Variants in TRIP11 observed in about 807,000 individuals in gnomAD.
The protein encoded by TRIP11 is thyroid hormone receptor interactor 11.
Under a neutral mutation model 223.1 loss-of-function variants are expected in TRIP11, and 148 were observed. The observed-to-expected ratio is 0.66, with a 90% CI of 0.58 to 0.76. The LOEUF (loss-of-function observed/expected upper bound fraction) is 0.76. Ranked by LOEUF, TRIP11 falls within the 30% of genes least tolerant of loss-of-function variation. The pLI is 0.00. For missense variants in TRIP11, 2,043 were observed against 2,222.0 expected (o/e 0.92, Z 1.62); for synonymous variants, 762 against 772.6 (o/e 0.99, Z 0.23).
intron 13 of TRIP11, among the ~76,000 whole-genome samples, chr14:91,996,998 C>A (rs1025936056): frequency 2.0e-5 from 3 of 152,136 alleles, no homozygotes; most frequent in Non-Finnish European, 4.4e-5. Context: ...TCAAGAGCAG[C>A]CCATTAAAGC....
chr14:92,004,651 T>C lies in TRIP11; in HGVS notation c.3325A>G (p.Thr1109Ala). 1 of 1,614,178 alleles carries C rather than the reference T, an allele frequency of 6.2e-7. No individual in the cohort carries two copies. The highest frequency in any genetic ancestry group is 8.5e-7 in the Non-Finnish European group (1 of 1,180,016). ...EKVFAVLNEK[T>A]RENSHLKTEY... is the part of the protein sequence containing the mutation. ...GTTTTTAGATGGCTATTTTCCCTAG[T>C]CTTCTCATTCAAAACAGCAAATACC... Residue 1109 changes from threonine (T) to alanine (A), a missense_variant, in exon 11 of 21, where the codon ACT (threonine) becomes GCT (alanine). Coordinates refer to ENST00000267622, the MANE Select transcript of TRIP11 (RefSeq NM_004239.4).
chr14:91,975,323 C>A, intron 17 of TRIP11, 37 bp from the exon 18 acceptor site: 1 of 1,367,084 alleles, frequency 7.3e-7, no homozygotes, highest in South Asian at 1.2e-5. Flanking sequence ...CAAGTGAACT[C>A]AACATTAAGT....
chr14:91,974,509 C>T, intron 19 of TRIP11, 118 bp downstream of exon 19: 2 of 858,210 alleles, frequency 2.3e-6, no homozygotes, highest in South Asian at 3.1e-5. Flanking sequence ...GTTTCTGCAA[C>T]TTCAAAATAA....
chr14:92,008,541 A>G (rs2056933174), intron 9 of TRIP11, among the ~76,000 whole-genome samples: 2 of 152,172 alleles, frequency 1.3e-5, no homozygotes, highest in Non-Finnish European at 2.9e-5. Flanking sequence ...ATAGTCTACT[A>G]CCTGGTATTT....
intron 16 of TRIP11, among the ~76,000 whole-genome samples, 164 bp downstream of exon 16, chr14:91,988,120 T>C (rs1233606815): frequency 6.6e-6 from 1 of 152,148 alleles, no homozygotes; most frequent in East Asian, 1.9e-4. Context: ...CTGGTTTCAC[T>C]AGGACCATAC....
chr14:91,993,698 G>A (rs1566852314), intron 15 of TRIP11, 111 bp downstream of exon 15: 1 of 876,402 alleles, frequency 1.1e-6, no homozygotes, highest in East Asian at 2.7e-5. Context: ...TGGATTCAGG[G>A]TAGAAAATTT....
intron 16 of TRIP11, among the ~76,000 whole-genome samples, chr14:91,987,841 A>C (rs1229583526): frequency 3.3e-5 from 5 of 152,200 alleles, no homozygotes; most frequent in Non-Finnish European, 7.3e-5. Flanking sequence ...ACCTGTGGTA[A>C]AACACCATCT....
At chr14:92,010,015 A>T (rs1365904514) in intron 9 of TRIP11, among the ~76,000 whole-genome samples, 1 of 152,252 alleles carries the variant, frequency 6.6e-6, no homozygotes, top group African/African-American at 2.4e-5. Flanking sequence ...TTTTAAAATT[A>T]GGAATTTAAA....
At chr14:91,977,417 T>C (rs1566844397) in intron 16 of TRIP11, among the ~76,000 whole-genome samples, 1 of 152,210 alleles carries the variant, frequency 6.6e-6, no homozygotes, top group Non-Finnish European at 1.5e-5. Context: ...TTTGAGTTAA[T>C]TTTTGTGCAT....
chr14:92,029,277 ATTATTTTTTTTTTT>A (rs2057229851), intron 2 of TRIP11, among the ~76,000 whole-genome samples: 2 of 97,128 alleles, frequency 2.1e-5, no homozygotes, highest in Non-Finnish European at 4.0e-5. Context: ...TGCCCAAAGT[ATTATTTTTTTTTTT>A]TTTTTTTTTT....
chr14:91,996,882 A>G (rs1019096822), intron 13 of TRIP11, among the ~76,000 whole-genome samples: 1 of 152,158 alleles, frequency 6.6e-6, no homozygotes, highest in Non-Finnish European at 1.5e-5. Context: ...TAGATAAAGC[A>G]CCTATCTAGG....
At chr14:91,997,052 C>T (rs1595380804) in intron 13 of TRIP11, among the ~76,000 whole-genome samples, 1 of 152,136 alleles carries the variant, frequency 6.6e-6, no homozygotes, top group African/African-American at 2.4e-5. Context: ...CCCATTAGCA[C>T]CCTCTTGTGG....
Position 92,011,012 on chromosome 14 carries a change from C to T in TRIP11, c.1288G>A (p.Glu430Lys). ...LKMRIEVLEK[E>K]KSLLSQEKEE... ...TTTTCTTGACTCAGTAATGACTTCTCTTTTTCTAAAACTTCGATACGCATT... is the reference window on the plus strand; with the variant it reads ...TTTTCTTGACTCAGTAATGACTTCTTTTTTTCTAAAACTTCGATACGCATT... Residue 430 changes from glutamate to lysine, a missense_variant, in exon 9 of 21, where the codon GAG becomes AAG. Glu to Lys is a moderately conservative substitution (Grantham distance 56). Transcript: ENST00000267622. 6.2e-7 allele frequency: 1 copy of T among 1,613,988 alleles called. No homozygotes were observed. Among genetic ancestry groups the T allele is most frequent in the Non-Finnish European group, 8.5e-7 (1 of 1,179,980 alleles).
At position 91,974,730 on chromosome 14, in the gene TRIP11, T is replaced by C; in HGVS notation, c.5471A>G (p.Asp1824Gly). Reference protein sequence around the residue: ...REEMEQLFHDDQGGVTRWMTG... With the variant: ...REEMEQLFHDGQGGVTRWMTG... ...CATCCACCTGGTAACACCGCCCTGA[T>C]CGTCATGAAACAACTGAAAGATTAT... is the stretch of plus-strand genomic sequence containing the variant. Residue 1824 changes from aspartate (D) to glycine (G), a missense_variant, in exon 19 of 21, where the codon GAT (aspartate) becomes GGT (glycine). Transcript: ENST00000267622. 6.2e-7 allele frequency: 1 copy of C among 1,612,364 alleles called. No individual in the cohort carries two copies. Among genetic ancestry groups the C allele is most frequent in the Non-Finnish European group, 8.5e-7 (1 of 1,179,254 alleles).
intron 1 of TRIP11, among the ~76,000 whole-genome samples, chr14:92,034,514 C>T (rs1189986710): frequency 6.6e-6 from 1 of 152,026 alleles, no homozygotes; most frequent in Non-Finnish European, 1.5e-5. Flanking sequence ...CTAACTTCTG[C>T]TCTCAATACT....
rs1324885429 is a variant in TRIP11 at position 91,967,136 on chromosome 14, T to C, written c.*2537A>G. On this transcript the variant is annotated 3_prime_UTR_variant, in exon 21 of 21. Transcript: ENST00000267622. ...CAATGAAAACATTAGGTACTATAGC[T>C]TTTTTTTTTTTTTTTTTTTTTTTGA... The C allele has an allele frequency of 1.9e-5, 1 of 54,052 alleles. No homozygotes were observed. Among genetic ancestry groups the C allele is most frequent in the Non-Finnish European group, 3.8e-5 (1 of 26,594 alleles). The allele number at this position is 54,052 out of a possible 1,614,324, so 3.3% of individuals were successfully genotyped here. A position where few individuals can be genotyped will look rare whatever the true frequency, so the allele number is the denominator to read the frequency against.
In TRIP11 at chr14:91,999,415, T is replaced by C. The variant is rs186047255; in HGVS notation, c.4717A>G (p.Lys1573Glu). Reference protein sequence around the residue: ...LQNEVQRLRDKEFRSNQELER... With the variant: ...LQNEVQRLRDEEFRSNQELER... Reference sequence around the variant, plus strand: ...AGCTCTTGGTTTGAACGAAATTCTTTGTCACGTAAACGTTGAACCTAGGTA... The same window carrying C: ...AGCTCTTGGTTTGAACGAAATTCTTCGTCACGTAAACGTTGAACCTAGGTA... The change falls in exon 13 of 21, where the codon AAA becomes GAA. Residue 1573 changes from lysine to glutamate, a missense_variant. By Grantham distance (56) the Lys-to-Glu change is moderately conservative. Transcript: ENST00000267622. The C allele has an allele frequency of 3.7e-6, 6 of 1,613,842 alleles. No homozygotes were observed. In the East Asian group the frequency reaches 6.7e-5, roughly 18 times the overall value.
chr14:91,970,490 G>GCCACA (rs2056388615), intron 20 of TRIP11, among the ~76,000 whole-genome samples: 2 of 151,902 alleles, frequency 1.3e-5, no homozygotes, highest in East Asian at 3.8e-4. Context: ...ATACTAATTT[G>GCCACA]TATGGCTAAA....
rs2057029511 is a variant in TRIP11, at chr14:92,015,834, T to C, written c.685A>G (p.Ile229Val). 1.2e-6 allele frequency: 2 copies of C among 1,612,564 alleles called. No individual in the cohort carries two copies. Among genetic ancestry groups the C allele is most frequent in the African/African-American group, 2.7e-5 (2 of 75,058 alleles). Residue 229 changes from isoleucine to valine, a missense_variant, in exon 6 of 21, where the codon ATT becomes GTT. By Grantham distance (29) the Ile-to-Val change is conservative. Coordinates refer to ENST00000267622, the MANE Select transcript of TRIP11 (RefSeq NM_004239.4). ...KELKQNRSQEIDDHQHEMSVL... is the reference protein window; with the variant it reads ...KELKQNRSQEVDDHQHEMSVL... The stretch of plus-strand genomic sequence containing the variant: ...GACATTTCATGTTGATGGTCATCAA[T>C]TTCCTGACTTCGGTTCTGTTTTAGT...
Sources: allele counts gnomAD v4.1 joint callset (sites outside exome capture counted in the v4.1 genomes callset), GRCh38; gene constraint gnomAD v4.1.1; transcripts MANE v1.5; gene names NCBI Gene and HGNC (gene_info 2026-07-23, HGNC 2026-07-21).